URB1: variants seen among roughly 807,000 people sequenced by gnomAD.
The protein encoded by URB1 is nucleolar pre-ribosomal-associated protein 1.
In URB1, 197 loss-of-function variants were observed where a neutral mutation model predicts 242.3. The ratio of observed to expected loss-of-function variants is 0.81; its 90% CI spans 0.72 to 0.91. URB1 has a LOEUF of 0.91. Among genes scored for constraint, URB1 ranks in the 40% least tolerant of loss-of-function variants. URB1 has a pLI of 0.00. For synonymous variants in URB1, 1,153 were observed against 1,201.8 expected (o/e 0.96, Z 0.84); for missense variants, 2,721 against 2,860.5 (o/e 0.95, Z 1.11).
chr21:32,369,540 G>T (rs2033384161), intron 8 of URB1, among the ~76,000 whole-genome samples: 1 of 152,148 alleles, frequency 6.6e-6, no homozygotes, highest in East Asian at 1.9e-4. Flanking sequence ...GCTCACTGCA[G>T]CCTCGAATTC....
intron 6 of URB1, among the ~76,000 whole-genome samples, chr21:32,374,941 CT>C (rs1353612667): frequency 6.6e-6 from 1 of 152,152 alleles, no homozygotes; most frequent in Non-Finnish European, 1.5e-5. Flanking sequence ...CATAGTTTTT[CT>C]TACTGATGAT....
chr21:32,334,309 C>T lies in URB1; in HGVS notation c.4711G>A (p.Val1571Met), dbSNP rs556427093. 5.5e-5 allele frequency: 86 copies of T among 1,550,548 alleles called. No individual in the cohort carries two copies. Among genetic ancestry groups the T allele is most frequent in the African/African-American group, 3.4e-4 (25 of 73,142 alleles). The change falls in exon 29 of 39, where the codon GTG becomes ATG. Residue 1571 changes from valine (V) to methionine (M), a missense_variant. Val to Met is a conservative substitution (Grantham distance 21, BLOSUM62 1). Coordinates refer to ENST00000382751, the MANE Select transcript of URB1 (RefSeq NM_014825.3). ...CTCCGGCACGTCTTGTGATGCTCCA[C>T]GGCCGCTGGGCCCCACAGCAGCACC... The part of the protein sequence containing the change: ...FRVLLWGPAA[V>M]EHHKTCRSLG...
In URB1 at chr21:32,314,952, C is replaced by T. The variant is rs752383708; in HGVS notation, c.6782G>A (p.Cys2261Tyr). 3.2e-6 allele frequency: 5 copies of T among 1,551,556 alleles called. No individual in the cohort carries two copies. In the South Asian group the frequency reaches 3.6e-5, roughly 11 times the overall value. The change falls in exon 39 of 39, where the codon TGC becomes TAC. Residue 2261 changes from cysteine (C) to tyrosine (Y), a missense_variant. Coordinates refer to ENST00000382751, the MANE Select transcript of URB1 (RefSeq NM_014825.3). ...TGAGGCTGCGCTGGCGGCGTCCTTGCAGAGCACCACGATGGCCTCCTCTTC... is the reference window on the plus strand; with the variant it reads ...TGAGGCTGCGCTGGCGGCGTCCTTGTAGAGCACCACGATGGCCTCCTCTTC... Reference protein sequence around the residue: ...SSEEEAIVVLCKDAASAASDA With the variant: ...SSEEEAIVVLYKDAASAASDA
At chr21:32,372,656 A>G (rs1601152774) in intron 7 of URB1, 25 bp from the exon 8 acceptor site, 1 of 1,543,572 alleles carries the variant, frequency 6.5e-7, no homozygotes, top group East Asian at 2.5e-5. Context: ...TAAAAATTCA[A>G]TGAAAATCCC....
In URB1 at chr21:32,355,559, G is replaced by A. The variant is rs371125131; in HGVS notation, c.1996C>T (p.Arg666Trp). The change falls in exon 16 of 39, where the codon CGG becomes TGG. Residue 666 changes from arginine to tryptophan, a missense_variant. Transcript: ENST00000382751. ...GTGTGCTCAAACACCCCCGTGTCCC[G>A]CAGAATCTGCCAGGAAGTAGGCACC... ...LTKLLIMKIL[R>W]DTGVFEHTWK... 108 of 1,551,322 alleles carry A rather than the reference G, an allele frequency of 7.0e-5. 1 individual carries two copies. The highest frequency in any genetic ancestry group is 3.3e-4 in the African/African-American group (24 of 73,008).
chr21:32,331,499 G>A lies in URB1; in HGVS notation c.4960+1818C>T, dbSNP rs1472730039. On this transcript the variant is annotated intron_variant, in intron 30 of 38. Coordinates refer to ENST00000382751, the MANE Select transcript of URB1 (RefSeq NM_014825.3). ...GATGATTCTGGAAGGTAGAAAGAAA[G>A]CAGACCAGTCAGAGACCTTGAGACC... Among the ~76,000 whole-genome samples the A allele has an allele frequency of 2.6e-5, 4 of 152,166 alleles. No individual in the cohort carries two copies. In the South Asian group the frequency reaches 6.2e-4, roughly 24 times the overall value.
At chr21:32,369,647 T>A (rs1220240532) in intron 8 of URB1, among the ~76,000 whole-genome samples, 1 of 152,094 alleles carries the variant, frequency 6.6e-6, no homozygotes, top group Admixed American at 6.5e-5. Flanking sequence ...TTATACGAAC[T>A]GCTCATGAGT....
intron 30 of URB1, chr21:32,333,025 A>C: frequency 2.7e-6 from 1 of 374,884 alleles, no homozygotes. Context: ...TAACTAATAA[A>C]AATGCAGAAA....
At chr21:32,322,372 T>C in intron 33 of URB1, 106 bp downstream of exon 33, 3 of 1,041,424 alleles carry the variant, frequency 2.9e-6, no homozygotes, top group Non-Finnish European at 4.3e-6. Flanking sequence ...ACAATCGTGT[T>C]GGCCGTGCAG....
chr21:32,371,948 T>C (rs2033410260), intron 8 of URB1, among the ~76,000 whole-genome samples: 2 of 152,018 alleles, frequency 1.3e-5, no homozygotes, highest in South Asian at 2.1e-4. Flanking sequence ...AATTGTGAAA[T>C]GTGAAACAAA....
chr21:32,314,946 T>C lies in URB1; in HGVS notation c.6788A>G (p.Asp2263Gly), dbSNP rs1216288193. The change falls in exon 39 of 39, where the codon GAC (aspartate) becomes GGC (glycine). Residue 2263 changes from aspartate (D) to glycine (G), a missense_variant. By Grantham distance (94) the Asp-to-Gly change is moderately conservative. Transcript: ENST00000382751. The stretch of plus-strand genomic sequence containing the variant: ...AGCATCTGAGGCTGCGCTGGCGGCG[T>C]CCTTGCAGAGCACCACGATGGCCTC... ...EEEAIVVLCK[D>G]AASAASDA is the part of the protein sequence containing the mutation. 1 of 1,551,382 alleles carries C rather than the reference T, an allele frequency of 6.4e-7. No individual in the cohort carries two copies. The highest frequency in any genetic ancestry group is 8.7e-7 in the Non-Finnish European group (1 of 1,146,952).
At chr21:32,378,652 C>G (rs949236961) in intron 4 of URB1, 111 bp from the exon 5 acceptor site, 1 of 835,554 alleles carries the variant, frequency 1.2e-6, no homozygotes, top group Non-Finnish European at 2.0e-6. Context: ...ACCAGCCCCC[C>G]AGCCTTGTCC....
At chr21:32,341,164 G>A (rs967400881) in intron 25 of URB1, among the ~76,000 whole-genome samples, 2 of 152,152 alleles carry the variant, frequency 1.3e-5, no homozygotes, top group Non-Finnish European at 2.9e-5. Flanking sequence ...AGAGGGATGA[G>A]AAAGAAACAG....
At chr21:32,361,370 G>C (rs1240615707) in intron 12 of URB1, among the ~76,000 whole-genome samples, 1 of 152,098 alleles carries the variant, frequency 6.6e-6, no homozygotes, top group Non-Finnish European at 1.5e-5. Flanking sequence ...ACTGTTCAGG[G>C]GGTCTGGGTT....
chr21:32,385,876 G>A (rs889212095), intron 1 of URB1, among the ~76,000 whole-genome samples, 192 bp from the exon 2 acceptor site: 1 of 152,262 alleles, frequency 6.6e-6, no homozygotes, highest in East Asian at 1.9e-4. Flanking sequence ...ACCCGGCCGG[G>A]CGCGGTGGCT....
At position 32,320,555 on chromosome 21, in the gene URB1, C is replaced by T. The variant is rs2032752789; in HGVS notation, c.5570G>A (p.Trp1857Ter). ...EIIRDYSLLT[W>*]ILHILESKFL... ...CTTGCTTTCAAGGATGTGTAAAATC[C>T]ATGTTAAAAGGCTATAGTCTCGTAT... The change falls in exon 35 of 39, where the codon TGG (tryptophan) becomes TAG (stop). Residue 1857 changes from tryptophan to a stop codon, truncating the protein, a stop_gained. Coordinates refer to ENST00000382751, the MANE Select transcript of URB1 (RefSeq NM_014825.3). LOFTEE classifies it high-confidence loss of function. 2 of 1,551,778 alleles carry T rather than the reference C, an allele frequency of 1.3e-6. No homozygotes were observed. Among genetic ancestry groups the T allele is most frequent in the African/African-American group, 2.7e-5 (2 of 73,004 alleles).
intron 24 of URB1, among the ~76,000 whole-genome samples, chr21:32,342,631 G>A (rs2033042678): frequency 6.8e-5 from 1 of 14,694 alleles, no homozygotes; most frequent in Admixed American, 7.6e-4. Flanking sequence ...TAGGTAACCT[G>A]GTGGTCTCCT....
intron 8 of URB1, among the ~76,000 whole-genome samples, chr21:32,369,394 G>A (rs951652191): frequency 1.3e-5 from 2 of 152,146 alleles, no homozygotes; most frequent in African/African-American, 4.8e-5. Flanking sequence ...ATACATATGT[G>A]AGTGTGAGTG....
At chr21:32,353,474 A>G (rs1360700975) in intron 18 of URB1, among the ~76,000 whole-genome samples, 1 of 152,184 alleles carries the variant, frequency 6.6e-6, no homozygotes, top group Non-Finnish European at 1.5e-5. Flanking sequence ...ACAGACCCTT[A>G]TTTATTAAAC....
Sources: gnomAD v4.1 joint callset for allele counts (sites outside exome capture counted in the v4.1 genomes callset) on GRCh38, gnomAD v4.1.1 for gene constraint, MANE v1.5 for transcripts, NCBI Gene and HGNC (gene_info 2026-07-23, HGNC 2026-07-21) for gene names.